VPS13B: variants seen among roughly 807,000 people sequenced by gnomAD.
VPS13B encodes the protein vacuolar protein sorting 13 homolog B.
In VPS13B, 285 loss-of-function variants were observed where a neutral mutation model predicts 426.4. The ratio of observed to expected loss-of-function variants is 0.67; its 90% CI spans 0.61 to 0.74. The LOEUF is 0.74. VPS13B is among the 30% of genes least tolerant of loss of function. VPS13B has a pLI of 0.00. For synonymous variants in VPS13B, 1,676 were observed against 1,676.4 expected (o/e 1.00, Z 0.01); for missense variants, 4,537 against 4,782.6 (o/e 0.95, Z 1.51).
chr8:99,203,139 C>A (rs1236353657), intron 17 of VPS13B, among the ~76,000 whole-genome samples: 1 of 152,060 alleles, frequency 6.6e-6, no homozygotes, highest in Non-Finnish European at 1.5e-5. Context: ...CTGAATCCAG[C>A]AGCACATCAA....
At chr8:99,537,788 G>A (rs1158754067) in intron 30 of VPS13B, among the ~76,000 whole-genome samples, 5 of 152,158 alleles carry the variant, frequency 3.3e-5, no homozygotes, top group Non-Finnish European at 7.4e-5. Context: ...GCTTTTATAT[G>A]ATGATCAGTG....
At chr8:99,299,110 G>A (rs1820211546) in intron 19 of VPS13B, among the ~76,000 whole-genome samples, 1 of 146,900 alleles carries the variant, frequency 6.8e-6, no homozygotes, top group African/African-American at 2.5e-5. Context: ...TGCCCAGGCT[G>A]GAGTGCAATG....
chr8:99,749,889 C>T (rs1425319824), intron 39 of VPS13B, among the ~76,000 whole-genome samples: 1 of 151,964 alleles, frequency 6.6e-6, no homozygotes, highest in Admixed American at 6.6e-5. Context: ...TTCCCCACAC[C>T]CTCACCAGCA....
chr8:99,429,994 T>C (rs912384814), intron 21 of VPS13B, among the ~76,000 whole-genome samples: 4 of 152,150 alleles, frequency 2.6e-5, no homozygotes, highest in Admixed American at 6.6e-5. Context: ...GCCTCCATAC[T>C]TTGCTTGAAA....
intron 33 of VPS13B, among the ~76,000 whole-genome samples, chr8:99,587,847 T>C (rs1826387365): frequency 1.3e-5 from 2 of 151,862 alleles, no homozygotes; most frequent in Admixed American, 1.3e-4. Flanking sequence ...TTGTCTATTC[T>C]GGCTTTTGTT....
chr8:99,512,512 G>A (rs993423385), intron 29 of VPS13B, among the ~76,000 whole-genome samples: 2 of 152,068 alleles, frequency 1.3e-5, no homozygotes, highest in Non-Finnish European at 2.9e-5. Flanking sequence ...AATTCCCTGA[G>A]GACTGTAGTT....
intron 51 of VPS13B, among the ~76,000 whole-genome samples, chr8:99,826,189 T>C (rs1011396222): frequency 1.3e-5 from 2 of 152,248 alleles, no homozygotes; most frequent in Non-Finnish European, 2.9e-5. Context: ...ATACTGATTC[T>C]TCCTGTCCAT....
At chr8:99,058,201 T>C (rs1043078764) in intron 3 of VPS13B, among the ~76,000 whole-genome samples, 1 of 152,116 alleles carries the variant, frequency 6.6e-6, no homozygotes, top group Non-Finnish European at 1.5e-5. Context: ...CCAGAGGTTA[T>C]GTATGGCACT....
At chr8:99,210,649 A>T (rs1338326093) in intron 17 of VPS13B, among the ~76,000 whole-genome samples, 2 of 152,122 alleles carry the variant, frequency 1.3e-5, no homozygotes, top group Non-Finnish European at 2.9e-5. Context: ...TCCATCTCTC[A>T]GGCTGGAGTG....
At chr8:99,201,200 A>T (rs1814301116) in intron 17 of VPS13B, among the ~76,000 whole-genome samples, 1 of 152,076 alleles carries the variant, frequency 6.6e-6, no homozygotes, top group Non-Finnish European at 1.5e-5. Context: ...CTACCACCAA[A>T]ATAACTGTAT....
chr8:99,087,161 G>A (rs1217195683), intron 3 of VPS13B, among the ~76,000 whole-genome samples: 1 of 152,100 alleles, frequency 6.6e-6, no homozygotes, highest in Admixed American at 6.5e-5. Context: ...AATGGCGGGC[G>A]CCCCCTCCCC....
chr8:99,716,708 T>C (rs1014189981), intron 36 of VPS13B, among the ~76,000 whole-genome samples: 7 of 152,188 alleles, frequency 4.6e-5, no homozygotes, highest in African/African-American at 1.7e-4. Flanking sequence ...ACACACGTTA[T>C]ATATTTTGAT....
At chr8:99,126,454 C>G (rs558211089) in intron 8 of VPS13B, among the ~76,000 whole-genome samples, 1 of 152,204 alleles carries the variant, frequency 6.6e-6, no homozygotes, top group South Asian at 2.1e-4. Context: ...TATTCTGCTG[C>G]TTTAGTTAGG....
chr8:99,052,854 A>T (rs1416608932), intron 3 of VPS13B, among the ~76,000 whole-genome samples: 2 of 152,088 alleles, frequency 1.3e-5, no homozygotes, highest in African/African-American at 4.8e-5. Flanking sequence ...GGTAGTTTGT[A>T]TTTCTGTGGG....
At chr8:99,633,059 G>T (rs16897517) in intron 33 of VPS13B, among the ~76,000 whole-genome samples, 24,107 of 151,904 alleles carry the variant, frequency 0.16, 2,440 homozygotes, top group East Asian at 0.39. Flanking sequence ...CTTGACCATT[G>T]TCATCACTTT....
Position 99,109,220 on chromosome 8 carries a change from G to A in VPS13B, c.581-1878G>A, listed in dbSNP as rs1270243069. Among the ~76,000 whole-genome samples the A allele has an allele frequency of 3.3e-5, 5 of 152,172 alleles. No individual in the cohort carries two copies. The East Asian group carries it at 9.6e-4, about 29-fold the overall frequency. ...AAATTGTAGCACATTTCTAAAGTAA[G>A]TACCAGAAACTAGAATTCATTTTCT... On this transcript the variant is annotated intron_variant, in intron 5 of 61. Transcript: ENST00000357162.
chr8:99,544,691 A>G (rs944300089), intron 30 of VPS13B, among the ~76,000 whole-genome samples: 3 of 141,700 alleles, frequency 2.1e-5, no homozygotes, highest in African/African-American at 8.0e-5. Flanking sequence ...TATGTGCTGC[A>G]AAACAACAAC....
intron 20 of VPS13B, among the ~76,000 whole-genome samples, chr8:99,385,328 T>C (rs1814055624): frequency 6.6e-6 from 1 of 152,196 alleles, no homozygotes; most frequent in South Asian, 2.1e-4. Context: ...TTAAGTATAA[T>C]TTTGCAATAT....
chr8:99,317,433 A>G (rs1809734184), intron 19 of VPS13B, among the ~76,000 whole-genome samples: 1 of 152,156 alleles, frequency 6.6e-6, no homozygotes, highest in Non-Finnish European at 1.5e-5. Flanking sequence ...ATCACAAGGA[A>G]TTTATAATAA....
Sources: gnomAD v4.1 joint callset for allele counts (sites outside exome capture counted in the v4.1 genomes callset) on GRCh38, gnomAD v4.1.1 for gene constraint, MANE v1.5 for transcripts, NCBI Gene and HGNC (gene_info 2026-07-23, HGNC 2026-07-21) for gene names.